The following LIMA1 variants were observed in gnomAD, a reference collection of about 807,000 sequenced individuals.
The protein encoded by LIMA1 is LIM domain and actin binding 1.
Under a neutral mutation model 62.6 loss-of-function variants are expected in LIMA1, and 52 were observed. That is an observed-to-expected ratio of 0.83 (90% CI 0.67 to 1.05). LIMA1 has a LOEUF of 1.05. LIMA1 is among the 50% of genes least tolerant of loss of function. The pLI, the probability that LIMA1 is intolerant of heterozygous loss-of-function variation, is 0.00. For synonymous variants in LIMA1, 302 were observed against 317.8 expected, an observed-to-expected ratio of 0.95 and a Z score of 0.53; for missense variants, 780 against 902.2, an observed-to-expected ratio of 0.86 and a Z score of 1.74.
chr12:50,260,476 G>A (rs1467168633), intron 1 of LIMA1, among the ~76,000 whole-genome samples: 1 of 152,118 alleles, frequency 6.6e-6, no homozygotes, highest in Non-Finnish European at 1.5e-5. Context: ...CTCCATGCTG[G>A]ATAGTTTCAT....
At chr12:50,185,816 A>AAT in intron 9 of LIMA1, 1 of 208,480 alleles carries the variant, frequency 4.8e-6, no homozygotes, top group South Asian at 7.5e-5. Context: ...ACATCAAGTT[A>AAT]ATAGATTGCT....
intron 10 of LIMA1, among the ~76,000 whole-genome samples, chr12:50,178,390 T>C (rs1227980578): frequency 6.6e-6 from 1 of 151,796 alleles, no homozygotes; most frequent in African/African-American, 2.4e-5. Context: ...CTACAAAAAA[T>C]TTAAAAATTA....
At chr12:50,194,920 C>T (rs568230223) in intron 8 of LIMA1, among the ~76,000 whole-genome samples, 10 of 152,048 alleles carry the variant, frequency 6.6e-5, no homozygotes, top group East Asian at 1.9e-4. Context: ...TGGTGGTGTG[C>T]GCCTGTAATC....
At position 50,180,883 on chromosome 12, in the gene LIMA1, C is replaced by T. The variant is rs577312436; in HGVS notation, c.1274+1021G>A. On this transcript the variant is annotated intron_variant, in intron 10 of 10. Transcript: ENST00000341247. ...ATCTCAGCACTTTGGGAGGCCGAGG[C>T]GGGTGGATCACGAGGTCAGGAGATC... Among the ~76,000 whole-genome samples, 8 of 151,984 alleles carry T rather than the reference C, an allele frequency of 5.3e-5. No homozygotes were observed. The East Asian group carries it at 5.8e-4, about 11-fold the overall frequency.
At chr12:50,236,797 G>C (rs1160719903) in intron 2 of LIMA1, among the ~76,000 whole-genome samples, 1 of 152,006 alleles carries the variant, frequency 6.6e-6, no homozygotes, top group Non-Finnish European at 1.5e-5. Flanking sequence ...AGTTGGGTTG[G>C]GTAGCTCATG....
chr12:50,256,683 A>G lies in LIMA1; in HGVS notation c.-23-7909T>C, dbSNP rs150813185. Among the ~76,000 whole-genome samples, 815 of 152,274 alleles carry G rather than the reference A, an allele frequency of 5.4e-3. 4 individuals are homozygous for G. Among genetic ancestry groups the G allele is most frequent in the African/African-American group, 0.017 (714 of 41,562 alleles). ...CAGATATTATGTAGAATGTTCCTCA[A>G]TTTGGGTTTCTTGGTTTCTCCAATA... On this transcript the variant is annotated intron_variant, in intron 1 of 10. Coordinates refer to ENST00000341247, the MANE Select transcript of LIMA1 (RefSeq NM_016357.5).
chr12:50,201,168 A>G, intron 6 of LIMA1: 1 of 1,121,368 alleles, frequency 8.9e-7, no homozygotes, highest in East Asian at 6.9e-5. Context: ...CACCCCAAGC[A>G]TACAACATTC....
At chr12:50,209,174 C>T (rs958395762) in intron 4 of LIMA1, among the ~76,000 whole-genome samples, 13 of 151,764 alleles carry the variant, frequency 8.6e-5, no homozygotes, top group Admixed American at 4.6e-4. Flanking sequence ...CAACACTATC[C>T]GTGCTACATC....
intron 1 of LIMA1, among the ~76,000 whole-genome samples, chr12:50,269,918 C>CAAAAAA (rs1423265745): frequency 1.1e-5 from 1 of 88,134 alleles, no homozygotes; most frequent in African/African-American, 4.7e-5. Flanking sequence ...AAAACTCCGT[C>CAAAAAA]AAATAAAAAA....
At chr12:50,211,571 G>T (rs1265440432) in intron 4 of LIMA1, among the ~76,000 whole-genome samples, 1 of 151,954 alleles carries the variant, frequency 6.6e-6, no homozygotes, top group African/African-American at 2.4e-5. Flanking sequence ...ATTGAGTCCA[G>T]GAAGTCGAGG....
At chr12:50,204,398 A>G in intron 6 of LIMA1, 154 bp downstream of exon 6, 1 of 840,210 alleles carries the variant, frequency 1.2e-6, no homozygotes, top group Non-Finnish European at 1.7e-6. Flanking sequence ...TAAGAACTGC[A>G]AATCCAGCGA....
rs577308413 is a variant in LIMA1 at position 50,241,933 on chromosome 12, ATTTTTTTTTTTTTTTTTTTTTTT to A, written c.119+6677_119+6699del. Among the ~76,000 whole-genome samples the A allele has an allele frequency of 3.8e-3, 139 of 36,438 alleles. 1 individual carries two copies. The highest frequency in any genetic ancestry group is 4.9e-3 in the Non-Finnish European group (99 of 20,248). The allele number at this position is 36,438 out of a possible 152,430, so 23.9% of individuals were successfully genotyped here. Reference sequence around the variant, plus strand: ...AATTTTGTTCCTCTTTCCTTCCCAGATTTTTTTTTTTTTTTTTTTTTTTTTTTTTTTTTTTTTTTGCGGTCCAG... The same window carrying A: ...AATTTTGTTCCTCTTTCCTTCCCAGATTTTTTTTTTTTTTTTGCGGTCCAG... On this transcript the variant is annotated intron_variant, in intron 2 of 10. Coordinates refer to ENST00000341247, the MANE Select transcript of LIMA1 (RefSeq NM_016357.5).
intron 1 of LIMA1, among the ~76,000 whole-genome samples, chr12:50,281,292 A>G (rs1942336768): frequency 6.6e-6 from 1 of 152,162 alleles, no homozygotes; most frequent in Admixed American, 6.6e-5. Context: ...ATACTTAAAA[A>G]CATTTTTCCC....
intron 1 of LIMA1, 40 bp from the exon 2 acceptor site, chr12:50,248,814 G>C (rs1941888026): frequency 9.8e-7 from 1 of 1,025,154 alleles, no homozygotes; most frequent in Non-Finnish European, 1.5e-6. Context: ...ACACAGAAGA[G>C]GATTCTCCAA....
chr12:50,238,764 C>T (rs550283001), intron 2 of LIMA1, among the ~76,000 whole-genome samples: 2 of 151,432 alleles, frequency 1.3e-5, no homozygotes, highest in East Asian at 1.9e-4. Flanking sequence ...GCAGGAGAAT[C>T]GCTTGAACCT....
At chr12:50,245,121 A>C (rs1005813385) in intron 2 of LIMA1, among the ~76,000 whole-genome samples, 5 of 152,184 alleles carry the variant, frequency 3.3e-5, no homozygotes, top group Non-Finnish European at 7.4e-5. Context: ...AGATCAAGAA[A>C]TTATGAGTCC....
chr12:50,182,740 G>T (rs2138386916), intron 9 of LIMA1, among the ~76,000 whole-genome samples: 1 of 152,276 alleles, frequency 6.6e-6, no homozygotes, highest in South Asian at 2.1e-4. Flanking sequence ...AAACACACTG[G>T]TTAATGTATT....
In LIMA1 at chr12:50,222,588, T is replaced by A. The variant is rs555720543; in HGVS notation, c.166-103A>T. The A allele has an allele frequency of 2.8e-3, 4,364 of 1,559,870 alleles. 14 individuals carry two copies. The highest frequency in any genetic ancestry group is 3.5e-3 in the Non-Finnish European group (4,099 of 1,157,490). ...AGTTAAAACTCCAAGCTGCTCCTGG[T>A]CCACTGCTGTTTCAGACAGCTGTGA... On this transcript the variant is annotated intron_variant, in intron 3 of 10. Transcript: ENST00000341247.
chr12:50,271,543 TAGTA>T (rs958103968), intron 1 of LIMA1, among the ~76,000 whole-genome samples: 4 of 152,190 alleles, frequency 2.6e-5, no homozygotes, highest in Non-Finnish European at 4.4e-5. Context: ...TTTTCACACA[TAGTA>T]AGAAAAATCT....
Sources: gnomAD v4.1 joint callset for allele counts (sites outside exome capture counted in the v4.1 genomes callset) on GRCh38, gnomAD v4.1.1 for gene constraint, MANE v1.5 for transcripts, NCBI Gene and HGNC (gene_info 2026-07-23, HGNC 2026-07-21) for gene names.